Variants in GALNT13 observed in about 807,000 individuals in gnomAD.
The protein encoded by GALNT13 is UDP-GalNAc:polypeptide N-acetylgalactosaminyltransferase 13.
A neutral mutation model predicts 64.2 loss-of-function variants in GALNT13; 28 were observed. That is an observed-to-expected ratio of 0.44 (90% CI 0.32 to 0.60). GALNT13 has a LOEUF of 0.60. Ranked by LOEUF, GALNT13 falls within the 20% of genes least tolerant of loss-of-function variation. The probability of loss-of-function intolerance (pLI) is 0.05; values close to 1 mark genes in which losing one functional copy is unlikely to be tolerated. For missense variants in GALNT13, 577 were observed against 669.8 expected, an observed-to-expected ratio of 0.86 and a Z score of 1.53; for synonymous variants, 214 against 224.6, an observed-to-expected ratio of 0.95 and a Z score of 0.42.
chr2:154,060,311 G>T (rs1298379291), intron 3 of GALNT13, among the ~76,000 whole-genome samples: 1 of 151,848 alleles, frequency 6.6e-6, no homozygotes, highest in Non-Finnish European at 1.5e-5. Context: ...TTGCTGTCTT[G>T]GTTTTTCAGG....
the GALNT13 span, among the ~76,000 whole-genome samples, chr2:153,276,531 TA>T: frequency 6.6e-6 from 1 of 152,250 alleles, no homozygotes; most frequent in East Asian, 1.9e-4. Flanking sequence ...GCAAATAATT[TA>T]AAATGCCCAT....
chr2:153,679,636 T>C, the GALNT13 span, among the ~76,000 whole-genome samples: 10 of 151,876 alleles, frequency 6.6e-5, no homozygotes, highest in Non-Finnish European at 2.9e-5. Context: ...AAATACATCA[T>C]ATCCAAAAAT....
At chr2:153,976,953 T>G (rs1694114035) in intron 3 of GALNT13, among the ~76,000 whole-genome samples, 1 of 152,168 alleles carries the variant, frequency 6.6e-6, no homozygotes, top group Non-Finnish European at 1.5e-5. Context: ...GCACTTGCAC[T>G]ATACCTCCTC....
At chr2:154,222,275 T>A (rs1416220236) in intron 4 of GALNT13, among the ~76,000 whole-genome samples, 1 of 152,112 alleles carries the variant, frequency 6.6e-6, no homozygotes, top group Non-Finnish European at 1.5e-5. Context: ...TTATAATATC[T>A]TCCACAATTA....
At chr2:153,180,317 G>T in the GALNT13 span, among the ~76,000 whole-genome samples, 3 of 152,002 alleles carry the variant, frequency 2.0e-5, no homozygotes, top group African/African-American at 7.2e-5. Context: ...TGTTAATGTA[G>T]CACGTCCCAT....
the GALNT13 span, among the ~76,000 whole-genome samples, chr2:153,465,877 A>G: frequency 6.6e-6 from 1 of 152,046 alleles, no homozygotes; most frequent in Non-Finnish European, 1.5e-5. Flanking sequence ...CATGTGAGTG[A>G]GAAAGTCTAC....
chr2:153,110,075 G>C, the GALNT13 span, among the ~76,000 whole-genome samples: 1 of 152,092 alleles, frequency 6.6e-6, no homozygotes, highest in Non-Finnish European at 1.5e-5. Flanking sequence ...TTTAAATGAA[G>C]ACAGACTACC....
intron 11 of GALNT13, among the ~76,000 whole-genome samples, chr2:154,412,645 A>T (rs1303713776): frequency 6.6e-6 from 1 of 151,778 alleles, no homozygotes; most frequent in Non-Finnish European, 1.5e-5. Flanking sequence ...TGGAAACATC[A>T]GGAAGAAACT....
At chr2:153,545,137 G>C in the GALNT13 span, among the ~76,000 whole-genome samples, 4 of 152,156 alleles carry the variant, frequency 2.6e-5, no homozygotes, top group Non-Finnish European at 5.9e-5. Flanking sequence ...AACCCAGTTA[G>C]ATGTCTGTGT....
Position 154,303,178 on chromosome 2 carries a change from G to T in GALNT13, c.1156+1589G>T, listed in dbSNP as rs2105101311. Among the ~76,000 whole-genome samples the T allele has an allele frequency of 1.3e-5, 2 of 152,036 alleles. 1 individual carries two copies. Among genetic ancestry groups the T allele is most frequent in the South Asian group, 4.2e-4 (2 of 4,794 alleles). On this transcript the variant is annotated intron_variant, in intron 9 of 12. Transcript: ENST00000392825. ...AGGAGTGGAGGTTAAATAGGCAGAA[G>T]AAAGAAAAAGGAGGACAGCCCTCTC... is the stretch of plus-strand genomic sequence containing the variant.
At chr2:154,178,578 A>G (rs1685784419) in intron 4 of GALNT13, among the ~76,000 whole-genome samples, 1 of 152,132 alleles carries the variant, frequency 6.6e-6, no homozygotes, top group African/African-American at 2.4e-5. Context: ...AAAAATAATA[A>G]TAATAATGTC....
the GALNT13 span, among the ~76,000 whole-genome samples, chr2:153,381,057 CATT>C: frequency 6.6e-6 from 1 of 151,884 alleles, no homozygotes; most frequent in African/African-American, 2.4e-5. Context: ...CATTATATAT[CATT>C]ATTTTACCTC....
At chr2:153,692,248 T>C in the GALNT13 span, among the ~76,000 whole-genome samples, 2 of 152,144 alleles carry the variant, frequency 1.3e-5, no homozygotes, top group East Asian at 3.9e-4. Context: ...TAAAGGGGGT[T>C]TCTGAGACAC....
chr2:154,341,802 A>C, intron 9 of GALNT13, among the ~76,000 whole-genome samples: 1 of 152,130 alleles, frequency 6.6e-6, no homozygotes, highest in African/African-American at 2.4e-5. Flanking sequence ...TAAATAGCTG[A>C]GGGTATAACA....
chr2:154,091,341 A>G (rs1292114359), intron 3 of GALNT13, among the ~76,000 whole-genome samples: 1 of 151,968 alleles, frequency 6.6e-6, no homozygotes, highest in Admixed American at 6.6e-5. Context: ...ACTGACTTGA[A>G]TGAAGACAAA....
At chr2:153,500,216 A>G in the GALNT13 span, among the ~76,000 whole-genome samples, 1 of 152,194 alleles carries the variant, frequency 6.6e-6, no homozygotes, top group African/African-American at 2.4e-5. Context: ...AAGGGTTCCC[A>G]GTAAAAGGGA....
chr2:153,547,818 T>G, the GALNT13 span, among the ~76,000 whole-genome samples: 2 of 152,206 alleles, frequency 1.3e-5, no homozygotes, highest in Admixed American at 1.3e-4. Context: ...AAACTGGGGT[T>G]TGACTCCTGG....
the GALNT13 span, among the ~76,000 whole-genome samples, chr2:153,540,169 T>G: frequency 1.3e-5 from 2 of 152,176 alleles, no homozygotes; most frequent in African/African-American, 2.4e-5. Flanking sequence ...GTGTGCAGCC[T>G]AGAGACTTGG....
chr2:153,632,172 A>G, the GALNT13 span, among the ~76,000 whole-genome samples: 1 of 152,118 alleles, frequency 6.6e-6, no homozygotes, highest in Non-Finnish European at 1.5e-5. Flanking sequence ...AGTCTTTACT[A>G]CAAGTTTTTT....
Sources: allele counts gnomAD v4.1 joint callset (sites outside exome capture counted in the v4.1 genomes callset), GRCh38; gene constraint gnomAD v4.1.1; transcripts MANE v1.5; gene names NCBI Gene and HGNC (gene_info 2026-07-23, HGNC 2026-07-21).